WNT7A: variants seen among roughly 807,000 people sequenced by gnomAD.
WNT7A encodes protein Wnt-7a.
A neutral mutation model predicts 28.2 loss-of-function variants in WNT7A; 16 were observed. The ratio of observed to expected loss-of-function variants is 0.57; its 90% CI spans 0.38 to 0.86. The LOEUF (loss-of-function observed/expected upper bound fraction) is 0.86, where lower values mean the gene tolerates loss of function less well. Among genes scored for constraint, WNT7A ranks in the 40% least tolerant of loss-of-function variants. The pLI is 0.00. For synonymous variants in WNT7A, 190 were observed against 195.9 expected (o/e 0.97, Z 0.25); for missense variants, 411 against 489.7 (o/e 0.84, Z 1.52).
Position 13,819,172 on chromosome 3 carries a change from C to G in WNT7A, c.822G>C (p.Ser274=). 6.2e-7 allele frequency: 1 copy of G among 1,614,186 alleles called. No homozygotes were observed. The highest frequency in any genetic ancestry group is 1.3e-5 in the African/African-American group (1 of 75,024). ...MDTDLVYIEK[S]PNYCEEDPVT... is the part of the protein sequence containing the mutation. ...CCGGGTCCTCCTCGCAGTAGTTGGG[C>G]GACTTCTCGATGTACACCAGGTCCG... Residue 274 remains serine (S), a synonymous_variant, in exon 4 of 4, where the codon TCG becomes TCC. Transcript: ENST00000285018.
At chr3:13,840,040 A>G (rs1461802165) in intron 3 of WNT7A, among the ~76,000 whole-genome samples, 1 of 151,734 alleles carries the variant, frequency 6.6e-6, no homozygotes, top group Non-Finnish European at 1.5e-5. Context: ...AGGGCCCTGC[A>G]CTCCCCACTC....
At chr3:13,875,262 C>T (rs1278512887) in intron 1 of WNT7A, 89 bp from the exon 2 acceptor site, 2 of 1,361,524 alleles carry the variant, frequency 1.5e-6, no homozygotes, top group African/African-American at 1.4e-5. Context: ...CACTGGCCAC[C>T]CCACTGCCCC....
At chr3:13,819,970 C>T (rs1315704262) in intron 3 of WNT7A, among the ~76,000 whole-genome samples, 2 of 152,188 alleles carry the variant, frequency 1.3e-5, no homozygotes, top group Non-Finnish European at 2.9e-5. Context: ...ACCCAACACC[C>T]AGAGTACAGC....
intron 3 of WNT7A, among the ~76,000 whole-genome samples, chr3:13,846,999 G>A (rs758075010): frequency 1.3e-5 from 2 of 152,160 alleles, no homozygotes; most frequent in Non-Finnish European, 2.9e-5. Flanking sequence ...GGGAAGGGCC[G>A]CCCCTGCCCC....
At chr3:13,869,233 G>A (rs111066805) in intron 2 of WNT7A, among the ~76,000 whole-genome samples, 140,548 of 141,170 alleles carry the variant, frequency 1, 69,963 homozygotes, top group Non-Finnish European at 1. Context: ...GAGAGAGAGA[G>A]AGAGAGAGGA....
At chr3:13,838,646 T>C (rs531801725) in intron 3 of WNT7A, among the ~76,000 whole-genome samples, 1 of 152,210 alleles carries the variant, frequency 6.6e-6, no homozygotes, top group Non-Finnish European at 1.5e-5. Context: ...GGGACCTGGT[T>C]GGAGCCCCCA....
intron 2 of WNT7A, among the ~76,000 whole-genome samples, chr3:13,874,189 A>G (rs1695067336): frequency 6.6e-6 from 1 of 152,216 alleles, no homozygotes; most frequent in East Asian, 1.9e-4. Context: ...TGCAGAAGCC[A>G]GCCTGTGGCA....
At chr3:13,836,469 T>C (rs1284022057) in intron 3 of WNT7A, among the ~76,000 whole-genome samples, 2 of 152,224 alleles carry the variant, frequency 1.3e-5, no homozygotes, top group African/African-American at 4.8e-5. Flanking sequence ...TGGTCTCAGG[T>C]GTGGCCAGGT....
intron 2 of WNT7A, among the ~76,000 whole-genome samples, chr3:13,873,578 T>G: frequency 6.6e-6 from 1 of 152,112 alleles, no homozygotes; most frequent in East Asian, 1.9e-4. Flanking sequence ...AAGGCTGTGC[T>G]TCCTTCCAAA....
At chr3:13,874,608 T>C (rs757580211) in intron 2 of WNT7A, among the ~76,000 whole-genome samples, 3 of 152,100 alleles carry the variant, frequency 2.0e-5, no homozygotes, top group Non-Finnish European at 4.4e-5. Context: ...TGCCAACTTT[T>C]CAAAAGAAAC....
chr3:13,854,120 A>G (rs74493039), intron 3 of WNT7A, among the ~76,000 whole-genome samples: 3,075 of 151,720 alleles, frequency 0.02, 110 homozygotes, highest in African/African-American at 0.07. Context: ...GCTCTGACAC[A>G]CAGGATGTGG....
At chr3:13,862,876 C>G (rs919887501) in intron 2 of WNT7A, among the ~76,000 whole-genome samples, 14 of 152,238 alleles carry the variant, frequency 9.2e-5, no homozygotes, top group African/African-American at 3.1e-4. Context: ...CCTCAGCCTG[C>G]AATTGTCTTT....
At chr3:13,858,866 C>T (rs780174804) in intron 2 of WNT7A, among the ~76,000 whole-genome samples, 4 of 152,264 alleles carry the variant, frequency 2.6e-5, no homozygotes, top group Non-Finnish European at 4.4e-5. Flanking sequence ...TGGGATGATC[C>T]AATCCCACTC....
chr3:13,867,974 C>T (rs1694938768), intron 2 of WNT7A, among the ~76,000 whole-genome samples: 1 of 152,190 alleles, frequency 6.6e-6, no homozygotes, highest in East Asian at 1.9e-4. Context: ...GGGGGAGGAG[C>T]TTGGCACAAT....
chr3:13,851,842 G>A (rs777762801), intron 3 of WNT7A, among the ~76,000 whole-genome samples: 2 of 152,174 alleles, frequency 1.3e-5, no homozygotes, highest in Non-Finnish European at 2.9e-5. Flanking sequence ...TGGGACCCCC[G>A]ACCTGAGCGG....
intron 2 of WNT7A, among the ~76,000 whole-genome samples, chr3:13,874,132 T>C (rs1042986313): frequency 1.3e-5 from 2 of 152,104 alleles, no homozygotes; most frequent in Non-Finnish European, 2.9e-5. Context: ...GGCGGCAGGA[T>C]ACCCAAAGAT....
chr3:13,830,876 C>T (rs541666550), intron 3 of WNT7A, among the ~76,000 whole-genome samples: 1 of 152,224 alleles, frequency 6.6e-6, no homozygotes, highest in Non-Finnish European at 1.5e-5. Context: ...ACTACGCCAT[C>T]TCCCAGACTC....
intron 3 of WNT7A, among the ~76,000 whole-genome samples, chr3:13,830,294 G>A (rs1575060982): frequency 2.0e-5 from 3 of 152,270 alleles, no homozygotes; most frequent in Admixed American, 2.0e-4. Flanking sequence ...TCAACCTCAG[G>A]CTGGAGGGCT....
At position 13,854,762 on chromosome 3, in the gene WNT7A, C is replaced by T. The variant is rs772144316; in HGVS notation, c.340G>A (p.Gly114Ser). ...AAFTYAIIAA[G>S]VAHAITAACT... ...GCAGCTGTGATGGCGTGGGCCACGC[C>T]GGCGGCAATGATGGCGTAGGTGAAC... The change falls in exon 3 of 4, where the codon GGC (glycine) becomes AGC (serine). Residue 114 changes from glycine (G) to serine (S), a missense_variant. Gly to Ser is a moderately conservative substitution (Grantham distance 56, BLOSUM62 0). Coordinates refer to ENST00000285018, the MANE Select transcript of WNT7A (RefSeq NM_004625.4). 58 of 1,613,636 alleles carry T rather than the reference C, an allele frequency of 3.6e-5. No homozygotes were observed. The highest frequency in any genetic ancestry group is 2.0e-4 in the Admixed American group (12 of 60,008).
Sources: allele counts gnomAD v4.1 joint callset (sites outside exome capture counted in the v4.1 genomes callset), GRCh38; gene constraint gnomAD v4.1.1; transcripts MANE v1.5; gene names NCBI Gene and HGNC (gene_info 2026-07-23, HGNC 2026-07-21).